CNTN5: variants seen among roughly 807,000 people sequenced by gnomAD.
CNTN5 encodes the protein contactin 5.
CNTN5 carries 77 observed loss-of-function variants against 129.1 expected under a neutral mutation model. That is an observed-to-expected ratio of 0.60 (90% confidence interval 0.50 to 0.72). The LOEUF is 0.72. Ranked by LOEUF, CNTN5 falls within the 30% of genes least tolerant of loss-of-function variation. CNTN5 has a pLI of 0.00. For synonymous variants in CNTN5, 509 were observed against 465.6 expected (o/e 1.09, Z -1.20); for missense variants, 1,478 against 1,328.8 (o/e 1.11, Z -1.75).
chr11:99,822,762 T>A (rs1021500361), intron 4 of CNTN5, among the ~76,000 whole-genome samples: 3 of 152,240 alleles, frequency 2.0e-5, no homozygotes, highest in Non-Finnish European at 4.4e-5. Context: ...AATTCTCACT[T>A]GGCATTTACA....
chr11:99,781,854 A>G (rs1345995231), intron 3 of CNTN5, among the ~76,000 whole-genome samples: 1 of 152,122 alleles, frequency 6.6e-6, no homozygotes, highest in African/African-American at 2.4e-5. Context: ...TCTATGACAA[A>G]CGCACAGCCA....
intron 3 of CNTN5, among the ~76,000 whole-genome samples, chr11:99,737,881 A>T (rs569245389): frequency 1.2e-4 from 19 of 152,278 alleles, no homozygotes; most frequent in African/African-American, 4.1e-4. Flanking sequence ...ATAAAATATC[A>T]TACCATCGGT....
intron 6 of CNTN5, among the ~76,000 whole-genome samples, chr11:99,906,246 C>T (rs1303778784): frequency 6.6e-6 from 1 of 152,120 alleles, no homozygotes; most frequent in African/African-American, 2.4e-5. Context: ...ACCTTTTGCC[C>T]ATTCAGTATG....
intron 9 of CNTN5, among the ~76,000 whole-genome samples, chr11:100,057,642 A>G (rs1943290364): frequency 1.3e-5 from 2 of 151,338 alleles, no homozygotes; most frequent in South Asian, 4.2e-4. Context: ...TCTTCATTTT[A>G]CAGATGAGAA....
At chr11:99,978,178 G>T (rs780037740) in intron 8 of CNTN5, among the ~76,000 whole-genome samples, 40 of 152,172 alleles carry the variant, frequency 2.6e-4, no homozygotes, top group African/African-American at 9.6e-4. Flanking sequence ...ATAGAAAAAA[G>T]CTTATAGAAT....
chr11:100,328,105 C>A (rs377168549), intron 21 of CNTN5, among the ~76,000 whole-genome samples: 29 of 152,214 alleles, frequency 1.9e-4, no homozygotes, highest in African/African-American at 6.0e-4. Flanking sequence ...AATCCCAACA[C>A]TTTGGGAGGC....
At chr11:99,589,206 A>T (rs1949901481) in intron 3 of CNTN5, among the ~76,000 whole-genome samples, 1 of 152,226 alleles carries the variant, frequency 6.6e-6, no homozygotes, top group African/African-American at 2.4e-5. Flanking sequence ...TGCTTTATAA[A>T]TGCTGTCTGC....
chr11:99,654,184 C>T (rs1434972344), intron 3 of CNTN5, among the ~76,000 whole-genome samples: 1 of 152,082 alleles, frequency 6.6e-6, no homozygotes, highest in Non-Finnish European at 1.5e-5. Flanking sequence ...ACTGCCTGAA[C>T]ATAGCTTTTA....
intron 2 of CNTN5, among the ~76,000 whole-genome samples, chr11:99,475,037 G>T (rs1945318709): frequency 1.3e-5 from 2 of 151,724 alleles, no homozygotes; most frequent in Non-Finnish European, 2.9e-5. Context: ...ATGAATGTGG[G>T]ATTAGACCAT....
At chr11:99,972,085 TAAAAAAA>T (rs71050038) in intron 8 of CNTN5, among the ~76,000 whole-genome samples, 23 of 92,148 alleles carry the variant, frequency 2.5e-4, no homozygotes, top group Admixed American at 4.4e-4. Flanking sequence ...TTATCTCTAT[TAAAAAAA>T]AAAAAAAAAA....
At chr11:99,078,430 T>C (rs981677604) in intron 1 of CNTN5, among the ~76,000 whole-genome samples, 1 of 152,174 alleles carries the variant, frequency 6.6e-6, no homozygotes, top group Admixed American at 6.5e-5. Context: ...CTGCTAGGTA[T>C]GTACCCCAAA....
At chr11:99,239,936 C>CA (rs386374626) in intron 1 of CNTN5, among the ~76,000 whole-genome samples, 26,440 of 104,672 alleles carry the variant, frequency 0.25, 2,799 homozygotes, top group Middle Eastern at 0.28. Flanking sequence ...GACTCCGTCT[C>CA]AAAAAAAAAA....
intron 13 of CNTN5, among the ~76,000 whole-genome samples, chr11:100,084,371 TGAG>T (rs1455520946): frequency 2.0e-5 from 3 of 152,022 alleles, no homozygotes; most frequent in African/African-American, 4.8e-5. Context: ...TATAAAATGG[TGAG>T]GAGAGAAGAT....
chr11:99,654,727 C>T (rs945388232), intron 3 of CNTN5, among the ~76,000 whole-genome samples: 14 of 152,032 alleles, frequency 9.2e-5, no homozygotes, highest in African/African-American at 3.1e-4. Context: ...CTATAATGCT[C>T]GTTTAGACTA....
chr11:99,252,666 G>T (rs1036711346), intron 1 of CNTN5, among the ~76,000 whole-genome samples: 6 of 151,752 alleles, frequency 4.0e-5, no homozygotes, highest in Admixed American at 2.6e-4. Context: ...ACCCATTGTG[G>T]CTTAAAGTTT....
intron 1 of CNTN5, among the ~76,000 whole-genome samples, chr11:99,283,315 C>A (rs1421585942): frequency 6.6e-6 from 1 of 152,034 alleles, no homozygotes; most frequent in East Asian, 1.9e-4. Context: ...AAATTTAGCA[C>A]TTTTTCGCTA....
intron 13 of CNTN5, among the ~76,000 whole-genome samples, chr11:100,137,394 A>G (rs1481904788): frequency 6.6e-6 from 1 of 152,146 alleles, no homozygotes; most frequent in Non-Finnish European, 1.5e-5. Context: ...AAATGTATCT[A>G]CTGAACACTA....
intron 9 of CNTN5, among the ~76,000 whole-genome samples, chr11:100,037,055 A>G (rs925990544): frequency 3.4e-4 from 51 of 152,102 alleles, no homozygotes; most frequent in Non-Finnish European, 6.6e-4. Context: ...CCCGTTTTCA[A>G]AGGGAATGCT....
chr11:99,056,935 TA>T (rs1409698860), intron 1 of CNTN5, among the ~76,000 whole-genome samples: 2 of 152,106 alleles, frequency 1.3e-5, no homozygotes, highest in East Asian at 1.9e-4. Flanking sequence ...TTTGGACTGA[TA>T]TTTTTTTCCC....
Sources: gnomAD v4.1 joint callset for allele counts (sites outside exome capture counted in the v4.1 genomes callset) on GRCh38, gnomAD v4.1.1 for gene constraint, MANE v1.5 for transcripts, NCBI Gene and HGNC (gene_info 2026-07-23, HGNC 2026-07-21) for gene names.